The following NALF1 variants were observed in gnomAD, a reference collection of about 807,000 sequenced individuals.
NALF1 encodes the protein family with sequence similarity 155 member A.
NALF1 carries 3 observed loss-of-function variants against 48.4 expected under a neutral mutation model. That is an observed-to-expected ratio of 0.06 (90% CI 0.03 to 0.16). The LOEUF is 0.16. Ranked by LOEUF, NALF1 falls within the 10% of genes least tolerant of loss-of-function variation. The pLI is 1.00. For synonymous variants in NALF1, 262 were observed against 245.7 expected, an observed-to-expected ratio of 1.07 and a Z score of -0.62; for missense variants, 526 against 571.5, an observed-to-expected ratio of 0.92 and a Z score of 0.81.
At chr13:107,682,077 T>C (rs548779905) in intron 1 of NALF1, among the ~76,000 whole-genome samples, 2 of 152,102 alleles carry the variant, frequency 1.3e-5, no homozygotes, top group South Asian at 2.1e-4. Context: ...TAAAACACAA[T>C]TGCTGGACAA....
intron 1 of NALF1, among the ~76,000 whole-genome samples, chr13:107,471,007 G>A (rs535240040): frequency 2.4e-4 from 36 of 152,274 alleles, no homozygotes; most frequent in African/African-American, 8.4e-4. Flanking sequence ...CATTCCCACA[G>A]CTGGAAAATA....
At chr13:107,441,992 T>G (rs16970113) in intron 1 of NALF1, among the ~76,000 whole-genome samples, 2,991 of 119,508 alleles carry the variant, frequency 0.025, 106 homozygotes, top group African/African-American at 0.08. Flanking sequence ...GAACTCAAAG[T>G]TAAAGTATTA....
intron 1 of NALF1, among the ~76,000 whole-genome samples, chr13:107,282,670 G>A (rs1298721482): frequency 6.6e-6 from 1 of 152,004 alleles, no homozygotes; most frequent in Non-Finnish European, 1.5e-5. Context: ...CAACTTTTGG[G>A]GAGGCCCCTG....
chr13:107,229,190 T>C (rs1464443439), intron 1 of NALF1, among the ~76,000 whole-genome samples: 2 of 152,118 alleles, frequency 1.3e-5, no homozygotes, highest in Non-Finnish European at 2.9e-5. Flanking sequence ...TTTGAAGTAA[T>C]AATACATTTA....
At chr13:107,531,303 T>A (rs1314311695) in intron 1 of NALF1, 1 of 165,836 alleles carries the variant, frequency 6.0e-6, no homozygotes, top group Non-Finnish European at 1.5e-5. Context: ...ATCCTCTTGG[T>A]GATGAGTGAG....
intron 1 of NALF1, among the ~76,000 whole-genome samples, chr13:107,819,683 TTCTCTCTCTCTCTCTC>T (rs35254661): frequency 4.5e-4 from 61 of 136,552 alleles, no homozygotes; most frequent in African/African-American, 1.5e-3. Flanking sequence ...CAGCTGGAAA[TTCTCTCTCTCTCTCTC>T]TCTCTCTCTC....
At chr13:107,680,419 CGTGT>C (rs1490280955) in intron 1 of NALF1, among the ~76,000 whole-genome samples, 1 of 145,024 alleles carries the variant, frequency 6.9e-6, no homozygotes, top group African/African-American at 2.5e-5. Context: ...AGTGTGTGTG[CGTGT>C]GAGTGTGAAC....
At chr13:107,365,875 C>A (rs555288424) in intron 1 of NALF1, among the ~76,000 whole-genome samples, 4 of 152,336 alleles carry the variant, frequency 2.6e-5, no homozygotes, top group African/African-American at 9.6e-5. Context: ...CTAGTTCCCA[C>A]AGACTGCTTG....
chr13:107,836,408 T>C (rs1028343783), intron 1 of NALF1, among the ~76,000 whole-genome samples: 4 of 152,180 alleles, frequency 2.6e-5, no homozygotes, highest in South Asian at 2.1e-4. Flanking sequence ...TAGGAGAGAA[T>C]AGTAAGCCTT....
chr13:107,843,228 C>A (rs1477919869), intron 1 of NALF1, among the ~76,000 whole-genome samples: 5 of 152,166 alleles, frequency 3.3e-5, no homozygotes, highest in African/African-American at 1.2e-4. Context: ...TTAATCTATA[C>A]AACAATGCCA....
At chr13:107,863,604 C>CT (rs1880635740) in intron 1 of NALF1, among the ~76,000 whole-genome samples, 1 of 152,152 alleles carries the variant, frequency 6.6e-6, no homozygotes, top group Non-Finnish European at 1.5e-5. Flanking sequence ...AAGGCGAAGA[C>CT]TAAGTTTTTA....
intron 1 of NALF1, among the ~76,000 whole-genome samples, chr13:107,694,607 A>G (rs1881656909): frequency 6.6e-6 from 1 of 152,200 alleles, no homozygotes; most frequent in Non-Finnish European, 1.5e-5. Context: ...CATTTGAGAT[A>G]CAGTCCTTTT....
intron 2 of NALF1, among the ~76,000 whole-genome samples, chr13:107,175,931 C>T (rs1878917829): frequency 6.6e-6 from 1 of 152,132 alleles, no homozygotes; most frequent in Non-Finnish European, 1.5e-5. Flanking sequence ...CTCTCAAGGG[C>T]CATCCCAGCT....
At chr13:107,699,720 A>T (rs1306785428) in intron 1 of NALF1, among the ~76,000 whole-genome samples, 1 of 152,188 alleles carries the variant, frequency 6.6e-6, no homozygotes, top group Non-Finnish European at 1.5e-5. Flanking sequence ...GAAAGGAACA[A>T]GTAAAATTAT....
chr13:107,365,616 A>G (rs879776411), intron 1 of NALF1, among the ~76,000 whole-genome samples: 1 of 152,170 alleles, frequency 6.6e-6, no homozygotes, highest in Non-Finnish European at 1.5e-5. Context: ...GTTCCAGGGA[A>G]TGGTTACTGG....
chr13:107,346,318 G>A (rs1292221051), intron 1 of NALF1, among the ~76,000 whole-genome samples: 1 of 152,166 alleles, frequency 6.6e-6, no homozygotes, highest in Non-Finnish European at 1.5e-5. Flanking sequence ...GAAGAGATAT[G>A]TGCATACCCA....
Position 107,570,889 on chromosome 13 carries a change from T to C in NALF1, c.915+294793A>G, listed in dbSNP as rs61965934. On this transcript the variant is annotated intron_variant, in intron 1 of 2. Transcript: ENST00000375915. Reference sequence around the variant, plus strand: ...TTTTTACAGGAATTTTAAAAGAGAATGAAAGGCTCCTTCCATTGCATGTTA... The same window carrying C: ...TTTTTACAGGAATTTTAAAAGAGAACGAAAGGCTCCTTCCATTGCATGTTA... 6.1e-3 allele frequency among the ~76,000 whole-genome samples: 933 copies of C among 152,186 alleles called. 6 individuals carry two copies. The highest frequency in any genetic ancestry group is 8.9e-3 in the Non-Finnish European group (605 of 67,986).
rs562868295 is a variant in NALF1 at position 107,185,251 on chromosome 13, T to G, written c.1088-14465A>C. 3.3e-5 allele frequency among the ~76,000 whole-genome samples: 5 copies of G among 152,282 alleles called. No individual in the cohort carries two copies. In the South Asian group the frequency reaches 1.0e-3, roughly 32 times the overall value. On this transcript the variant is annotated intron_variant, in intron 2 of 2. Coordinates refer to ENST00000375915, the MANE Select transcript of NALF1 (RefSeq NM_001080396.3). ...CTCCAGAACTATAAGAAAATACATG[T>G]CTACTTGGTTAATCTATCTAGTTTG...
chr13:107,216,887 G>A (rs1879884399), intron 1 of NALF1, among the ~76,000 whole-genome samples: 1 of 152,166 alleles, frequency 6.6e-6, no homozygotes, highest in African/African-American at 2.4e-5. Context: ...TACAGAAGGT[G>A]AAAAGCAGAT....
Sources: gnomAD v4.1 joint callset for allele counts (sites outside exome capture counted in the v4.1 genomes callset) on GRCh38, gnomAD v4.1.1 for gene constraint, MANE v1.5 for transcripts, NCBI Gene and HGNC (gene_info 2026-07-23, HGNC 2026-07-21) for gene names.